Variants in GALNT2 observed in about 807,000 individuals in gnomAD.
The protein encoded by GALNT2 is UDP-GalNAc:polypeptide N-acetylgalactosaminyltransferase 2.
Under a neutral mutation model 81.4 loss-of-function variants are expected in GALNT2, and 31 were observed. The ratio of observed to expected loss-of-function variants is 0.38; its 90% CI spans 0.29 to 0.51. The LOEUF (loss-of-function observed/expected upper bound fraction) is 0.51, where lower values mean the gene tolerates loss of function less well. GALNT2 is among the 20% of genes least tolerant of loss of function. The pLI, the probability that GALNT2 is intolerant of heterozygous loss-of-function variation, is 0.87. For missense variants in GALNT2, 629 were observed against 765.7 expected, an observed-to-expected ratio of 0.82 and a Z score of 2.11; for synonymous variants, 303 against 287.4, an observed-to-expected ratio of 1.05 and a Z score of -0.55.
intron 1 of GALNT2, among the ~76,000 whole-genome samples, chr1:230,112,760 G>C (rs1458982431): frequency 1.3e-5 from 2 of 149,116 alleles, no homozygotes; most frequent in Non-Finnish European, 3.0e-5. Flanking sequence ...GCTGTGGATT[G>C]GCCCAGGGGG....
Position 230,243,254 on chromosome 1 carries a change from G to T in GALNT2, c.608-52G>T. ...GCGTCGCCGGTTGGCATGGGGTTGT[G>T]CTGGCCCTGTGGCTTCTCTCTCCTG... is the stretch of plus-strand genomic sequence containing the variant. On this transcript the variant is annotated intron_variant, in intron 6 of 15. Coordinates refer to ENST00000366672, the MANE Select transcript of GALNT2 (RefSeq NM_004481.5). The surrounding 1 kb of genome is among the most constrained non-coding windows in gnomAD (Gnocchi z 4.2). 1 of 1,552,202 alleles carries T rather than the reference G, an allele frequency of 6.4e-7. No homozygotes were observed. Among genetic ancestry groups the T allele is most frequent in the African/African-American group, 1.4e-5 (1 of 73,640 alleles).
intron 1 of GALNT2, among the ~76,000 whole-genome samples, chr1:230,152,862 T>C (rs1041404102): frequency 2.8e-4 from 42 of 152,358 alleles, no homozygotes; most frequent in African/African-American, 1.0e-3. Flanking sequence ...TCACCTTTCT[T>C]GGACTTCCTT....
intron 1 of GALNT2, among the ~76,000 whole-genome samples, chr1:230,125,560 G>A (rs773506820): frequency 6.6e-6 from 1 of 152,180 alleles, no homozygotes; most frequent in Admixed American, 6.5e-5. Flanking sequence ...GTGGGATTTC[G>A]TCAATAATGC....
intron 1 of GALNT2, among the ~76,000 whole-genome samples, chr1:230,089,251 A>T (rs1187950987): frequency 1.3e-5 from 2 of 150,374 alleles, no homozygotes; most frequent in African/African-American, 2.5e-5. Flanking sequence ...GGTTCAAGCG[A>T]TTCTTCTGCC....
At chr1:230,067,062 C>T (rs1659207364), upstream of GALNT2, 2 of 154,280 alleles carry the variant, frequency 1.3e-5, no homozygotes, top group South Asian at 2.0e-4. Context: ...CCTCCGAGGC[C>T]GCTGCTTCCT....
At chr1:230,075,451 A>G (rs1296876040) in intron 1 of GALNT2, among the ~76,000 whole-genome samples, 1 of 152,096 alleles carries the variant, frequency 6.6e-6, no homozygotes, top group Non-Finnish European at 1.5e-5. Flanking sequence ...CTTTTGCTCC[A>G]TGGAATTTGT....
At chr1:230,194,871 G>A (rs111965576) in intron 2 of GALNT2, among the ~76,000 whole-genome samples, 2,523 of 152,304 alleles carry the variant, frequency 0.017, 40 homozygotes, top group Non-Finnish European at 0.026. Flanking sequence ...ATTCCAGTGC[G>A]TGCGGAGGGG....
chr1:230,135,027 A>G (rs1054197973), intron 1 of GALNT2, among the ~76,000 whole-genome samples: 6 of 152,226 alleles, frequency 3.9e-5, no homozygotes, highest in African/African-American at 1.4e-4. Context: ...CATCTAAAGC[A>G]TTGCCCTCAC....
intron 1 of GALNT2, among the ~76,000 whole-genome samples, chr1:230,078,561 G>A (rs78807750): frequency 0.038 from 5,763 of 152,278 alleles, 139 homozygotes; most frequent in South Asian, 0.079. Flanking sequence ...TTCATAGGGA[G>A]CATCAGAGAT....
chr1:230,225,938 T>G (rs6673619), intron 3 of GALNT2, among the ~76,000 whole-genome samples: 86,453 of 152,046 alleles, frequency 0.57, 27,284 homozygotes, highest in East Asian at 0.9. Flanking sequence ...GGAGAAGCAG[T>G]CAGGGCCTAG....
chr1:230,082,397 T>C (rs1196617336), intron 1 of GALNT2, among the ~76,000 whole-genome samples: 1 of 152,262 alleles, frequency 6.6e-6, no homozygotes, highest in African/African-American at 2.4e-5. Flanking sequence ...GGTGATTTCA[T>C]AGGTGTCTGG....
chr1:230,251,449 T>C (rs111492448), intron 10 of GALNT2, among the ~76,000 whole-genome samples: 186 of 152,376 alleles, frequency 1.2e-3, no homozygotes, highest in African/African-American at 4.3e-3. Flanking sequence ...TTTTATGATG[T>C]TGAAGTCAGT....
At chr1:230,169,242 A>C (rs10489615) in intron 1 of GALNT2, among the ~76,000 whole-genome samples, 1 of 152,000 alleles carries the variant, frequency 6.6e-6, no homozygotes, top group African/African-American at 2.4e-5. Context: ...GAAGAAGGCA[A>C]GTTTAATGTT....
At chr1:230,187,577 G>T (rs1263656753) in intron 2 of GALNT2, among the ~76,000 whole-genome samples, 10 of 152,218 alleles carry the variant, frequency 6.6e-5, no homozygotes, top group Admixed American at 5.2e-4. Context: ...GTCCACAGAT[G>T]ACTTAAGTGT....
At chr1:230,170,363 T>C (rs1385623164) in intron 1 of GALNT2, among the ~76,000 whole-genome samples, 1 of 152,232 alleles carries the variant, frequency 6.6e-6, no homozygotes, top group Non-Finnish European at 1.5e-5. Flanking sequence ...ACGTTCCCTT[T>C]CTATTCTAAT....
intron 1 of GALNT2, among the ~76,000 whole-genome samples, chr1:230,140,105 A>C (rs1661683479): frequency 6.6e-6 from 1 of 152,170 alleles, no homozygotes; most frequent in South Asian, 2.1e-4. Context: ...GCCCTCCCCC[A>C]CGGGGCTTCT....
chr1:230,170,048 C>G (rs894768741), intron 1 of GALNT2, among the ~76,000 whole-genome samples: 2 of 152,196 alleles, frequency 1.3e-5, no homozygotes, highest in African/African-American at 4.8e-5. Flanking sequence ...CAGGAACAGG[C>G]CTTGGGAAAT....
chr1:230,266,399 T>A (rs890906312), intron 14 of GALNT2, among the ~76,000 whole-genome samples: 2 of 152,242 alleles, frequency 1.3e-5, no homozygotes, highest in Non-Finnish European at 2.9e-5. Context: ...ACCCCCTTCC[T>A]GAAAACTTGC....
intron 2 of GALNT2, among the ~76,000 whole-genome samples, chr1:230,194,282 C>T (rs776045272): frequency 1.6e-4 from 24 of 152,112 alleles, no homozygotes; most frequent in Non-Finnish European, 2.8e-4. Flanking sequence ...GAGCAGTGGC[C>T]GGGTAGTGGC....
Sources: allele counts gnomAD v4.1 joint callset (sites outside exome capture counted in the v4.1 genomes callset), GRCh38; gene constraint gnomAD v4.1.1; non-coding constraint Gnocchi (gnomAD v3.1); transcripts MANE v1.5; gene names NCBI Gene and HGNC (gene_info 2026-07-23, HGNC 2026-07-21).